CNTN3: variants seen among roughly 807,000 people sequenced by gnomAD.
The protein encoded by CNTN3 is contactin-3.
In CNTN3, 60 loss-of-function variants were observed where a neutral mutation model predicts 119.1. The ratio of observed to expected loss-of-function variants is 0.50; its 90% confidence interval spans 0.41 to 0.62. CNTN3 has a LOEUF of 0.62. Ranked by LOEUF, CNTN3 falls within the 20% of genes least tolerant of loss-of-function variation. The pLI, the probability that CNTN3 is intolerant of heterozygous loss-of-function variation, is 0.00. For missense variants in CNTN3, 1,101 were observed against 1,242.4 expected (o/e 0.89, Z 1.71); for synonymous variants, 450 against 438.7 (o/e 1.03, Z -0.32).
intron 13 of CNTN3, among the ~76,000 whole-genome samples, chr3:74,308,616 A>AT (rs112570778): frequency 0.017 from 2,478 of 146,756 alleles, 60 homozygotes; most frequent in African/African-American, 0.055. Flanking sequence ...CAACTTGGGA[A>AT]TTTTTTTTTT....
chr3:74,387,876 C>T (rs1008819271), intron 5 of CNTN3, among the ~76,000 whole-genome samples: 11 of 152,074 alleles, frequency 7.2e-5, no homozygotes, highest in African/African-American at 2.4e-4. Context: ...AGCTTAATGA[C>T]GACATACAAC....
At chr3:74,360,272 C>A (rs531727692) in intron 11 of CNTN3, among the ~76,000 whole-genome samples, 1 of 152,198 alleles carries the variant, frequency 6.6e-6, no homozygotes, top group Admixed American at 6.5e-5. Context: ...TGTTTGTATT[C>A]CTTTCATTTC....
At chr3:74,328,560 A>C (rs1468043013) in intron 13 of CNTN3, among the ~76,000 whole-genome samples, 3 of 152,168 alleles carry the variant, frequency 2.0e-5, no homozygotes, top group African/African-American at 7.2e-5. Flanking sequence ...TTGTAAATTT[A>C]AGTCTACCTT....
At chr3:74,591,713 A>G (rs1704705486) in intron 1 of CNTN3, among the ~76,000 whole-genome samples, 1 of 151,918 alleles carries the variant, frequency 6.6e-6, no homozygotes, top group Non-Finnish European at 1.5e-5. Flanking sequence ...CCTGACAGGG[A>G]AGATGTATGG....
chr3:74,486,564 G>A lies in CNTN3; in HGVS notation c.250C>T (p.Leu84Phe). 1.9e-6 allele frequency: 3 copies of A among 1,609,304 alleles called. No individual in the cohort carries two copies. Among genetic ancestry groups the A allele is most frequent in the South Asian group, 2.2e-5 (2 of 89,930 alleles). ...EHRYKLNGGN[L>F]VVINPNRNWD... The stretch of plus-strand genomic sequence containing the variant: ...TTTCTGTTGGGATTAATAACCACAA[G>A]ATTTCCTCCATTCAACTTATAACGA... Residue 84 changes from leucine to phenylalanine, a missense_variant, in exon 4 of 23, where the codon CTT becomes TTT. Transcript: ENST00000263665.
chr3:74,342,851 A>G (rs535059018), intron 11 of CNTN3, among the ~76,000 whole-genome samples: 5 of 152,224 alleles, frequency 3.3e-5, no homozygotes, highest in African/African-American at 1.2e-4. Context: ...CATAAGGCCC[A>G]GGCAATACTC....
chr3:74,407,619 G>A (rs565812395), intron 5 of CNTN3, among the ~76,000 whole-genome samples: 24 of 151,992 alleles, frequency 1.6e-4, no homozygotes, highest in African/African-American at 4.6e-4. Context: ...AAAAGACCTC[G>A]AAACTTGCTT....
In CNTN3 at chr3:74,266,507, T is replaced by C. The variant is rs779507014; in HGVS notation, c.2960A>G (p.Glu987Gly). 1.2e-6 allele frequency: 2 copies of C among 1,613,438 alleles called. No individual in the cohort carries two copies. Among genetic ancestry groups the C allele is most frequent in the Non-Finnish European group, 1.7e-6 (2 of 1,179,488 alleles). The change falls in exon 22 of 23, where the codon GAA (glutamate) becomes GGA (glycine). Residue 987 changes from glutamate to glycine, a missense_variant. Coordinates refer to ENST00000263665, the MANE Select transcript of CNTN3 (RefSeq NM_020872.3). ...TTDGGDGTSS[E>G]QIRIPRITSM... Reference sequence around the variant, plus strand: ...GGTTATTCGTGGAATCCTGATCTGTTCACTACTGGTCCCATCCCCTCCATC... The same window carrying C: ...GGTTATTCGTGGAATCCTGATCTGTCCACTACTGGTCCCATCCCCTCCATC...
At chr3:74,367,779 T>C (rs779446114) in intron 8 of CNTN3, among the ~76,000 whole-genome samples, 6 of 152,142 alleles carry the variant, frequency 3.9e-5, no homozygotes, top group Non-Finnish European at 5.9e-5. Flanking sequence ...GTTTATTATG[T>C]ATACAGGGTT....
Position 74,475,424 on chromosome 3 carries a change from T to C in CNTN3, c.358+11032A>G, listed in dbSNP as rs541821272. Among the ~76,000 whole-genome samples the C allele has an allele frequency of 2.0e-5, 3 of 152,322 alleles. No individual in the cohort carries two copies. In the East Asian group the frequency reaches 5.8e-4, roughly 29 times the overall value. On this transcript the variant is annotated intron_variant, in intron 4 of 22. Coordinates refer to ENST00000263665, the MANE Select transcript of CNTN3 (RefSeq NM_020872.3). ...GGATGACAGGATTAGTTTGGTAACC[T>C]GGTAGCTTAGGTTCAGTTGCCCATG...
At chr3:74,520,942 A>G in intron 2 of CNTN3, 116 bp downstream of exon 2, 1 of 516,802 alleles carries the variant, frequency 1.9e-6, no homozygotes, top group South Asian at 3.8e-5. Context: ...GGGAGGAAAA[A>G]CATTTGTTTT....
chr3:74,464,593 G>T (rs1167604881), intron 4 of CNTN3, among the ~76,000 whole-genome samples: 5 of 152,074 alleles, frequency 3.3e-5, no homozygotes, highest in Non-Finnish European at 7.4e-5. Flanking sequence ...TTAATTAGGA[G>T]CTACTAAATC....
intron 8 of CNTN3, among the ~76,000 whole-genome samples, chr3:74,367,875 T>A (rs963623485): frequency 6.6e-6 from 1 of 152,074 alleles, no homozygotes; most frequent in Non-Finnish European, 1.5e-5. Flanking sequence ...TCACTTCTTA[T>A]CCTAGATCAA....
At chr3:74,347,383 C>T (rs1157618242) in intron 11 of CNTN3, among the ~76,000 whole-genome samples, 6 of 152,032 alleles carry the variant, frequency 3.9e-5, no homozygotes, top group African/African-American at 9.7e-5. Context: ...CTGAAACGAC[C>T]GGTGTGCACC....
intron 4 of CNTN3, among the ~76,000 whole-genome samples, chr3:74,459,613 A>G (rs952518905): frequency 2.6e-5 from 4 of 151,972 alleles, no homozygotes; most frequent in African/African-American, 9.7e-5. Context: ...TGAGTTTCCT[A>G]TCACTAAGGC....
chr3:74,432,656 G>A (rs1361289108), intron 4 of CNTN3, among the ~76,000 whole-genome samples: 5 of 152,210 alleles, frequency 3.3e-5, no homozygotes, highest in Non-Finnish European at 7.3e-5. Flanking sequence ...ACATGCAGAA[G>A]CACTTAGAAG....
chr3:74,291,146 G>A (rs1702223293), intron 19 of CNTN3, among the ~76,000 whole-genome samples: 1 of 151,882 alleles, frequency 6.6e-6, no homozygotes, highest in Non-Finnish European at 1.5e-5. Context: ...GAGAACATGT[G>A]GTGTTTGATT....
At chr3:74,455,204 T>C (rs1407388711) in intron 4 of CNTN3, among the ~76,000 whole-genome samples, 1 of 152,114 alleles carries the variant, frequency 6.6e-6, no homozygotes, top group Non-Finnish European at 1.5e-5. Flanking sequence ...CTTTGTTCAT[T>C]TCTATTTTTT....
chr3:74,456,514 G>A (rs1702273365), intron 4 of CNTN3, among the ~76,000 whole-genome samples: 1 of 152,042 alleles, frequency 6.6e-6, no homozygotes, highest in South Asian at 2.1e-4. Context: ...AAAGTACAAT[G>A]TTAAAATACT....
Sources: allele counts gnomAD v4.1 joint callset (sites outside exome capture counted in the v4.1 genomes callset), GRCh38; gene constraint gnomAD v4.1.1; transcripts MANE v1.5; gene names NCBI Gene and HGNC (gene_info 2026-07-23, HGNC 2026-07-21).